Variants in C5 observed in about 807,000 individuals in gnomAD.
C5 encodes complement C5.
C5 carries 140 observed loss-of-function variants against 218.8 expected under a neutral mutation model. The observed-to-expected ratio is 0.64, with a 90% CI of 0.56 to 0.74. The LOEUF (loss-of-function observed/expected upper bound fraction) is 0.74. C5 is among the 30% of genes least tolerant of loss of function. The pLI is 0.00. For missense variants in C5, 1,700 were observed against 1,969.6 expected (o/e 0.86, Z 2.59); for synonymous variants, 614 against 682.3 (o/e 0.90, Z 1.56).
intron 7 of C5, among the ~76,000 whole-genome samples, chr9:121,029,496 T>G (rs866299832): frequency 6.6e-6 from 1 of 152,252 alleles, no homozygotes; most frequent in Non-Finnish European, 1.5e-5. Context: ...TGCTAATATA[T>G]GCTGAGTACT....
chr9:120,968,551 G>A (rs1246154332), intron 33 of C5, among the ~76,000 whole-genome samples: 6 of 152,134 alleles, frequency 3.9e-5, no homozygotes, highest in South Asian at 2.1e-4. Context: ...TTGAGGCCTC[G>A]GTATTTAGTT....
chr9:121,041,190 C>T (rs959186353), intron 3 of C5, among the ~76,000 whole-genome samples: 14 of 150,958 alleles, frequency 9.3e-5, no homozygotes, highest in African/African-American at 3.2e-4. Context: ...GTGATCCACC[C>T]GCCTGGGCTT....
intron 29 of C5, 104 bp from the exon 30 acceptor site, chr9:120,975,035 TGAAA>T: frequency 7.5e-7 from 1 of 1,324,658 alleles, no homozygotes; most frequent in African/African-American, 1.4e-5. Flanking sequence ...TGTCTGGAGA[TGAAA>T]CTCCAGCTGA....
Position 121,015,215 on chromosome 9 carries a change from C to A in C5, c.2043G>T (p.Lys681Asn), listed in dbSNP as rs2047296399. ...TTACAGTACCTATTTCTTCTATCTTCTTTTGCAGCGTTCTTCTTGGCCTGA... is the reference window on the plus strand; with the variant it reads ...TTACAGTACCTATTTCTTCTATCTTATTTTGCAGCGTTCTTCTTGGCCTGA... ...EILRPRRTLQ[K>N]KIEEIAAKYK... The change falls in exon 16 of 41, where the codon AAG becomes AAT. Residue 681 changes from lysine to asparagine, a missense_variant. By Grantham distance (94) the Lys-to-Asn change is moderately conservative. Transcript: ENST00000223642. 1 of 1,606,834 alleles carries A rather than the reference C, an allele frequency of 6.2e-7. No individual in the cohort carries two copies. Among genetic ancestry groups the A allele is most frequent in the Admixed American group, 1.7e-5 (1 of 59,940 alleles).
At chr9:121,010,717 T>C (rs577276070) in intron 17 of C5, among the ~76,000 whole-genome samples, 1 of 152,234 alleles carries the variant, frequency 6.6e-6, no homozygotes, top group South Asian at 2.1e-4. Flanking sequence ...AGGAATCACA[T>C]TACCTGACTT....
chr9:121,040,191 T>G (rs571712050), intron 3 of C5, among the ~76,000 whole-genome samples: 20 of 152,106 alleles, frequency 1.3e-4, no homozygotes, highest in Admixed American at 5.2e-4. Flanking sequence ...GAGGGTGAAG[T>G]AGGAGTTAAC....
At chr9:120,997,509 T>C (rs760766425) in intron 21 of C5, 38 bp downstream of exon 21, 2 of 1,435,774 alleles carry the variant, frequency 1.4e-6, no homozygotes, top group Non-Finnish European at 2.0e-6. Flanking sequence ...TCTTTTGCAA[T>C]AATTTAAGCA....
chr9:121,072,320 G>C, the C5 span, among the ~76,000 whole-genome samples: 2 of 152,072 alleles, frequency 1.3e-5, no homozygotes, highest in Non-Finnish European at 2.9e-5. Context: ...AGCACACCAC[G>C]GCTTGATAAT....
At chr9:120,998,522 A>G (rs1256168346) in intron 20 of C5, among the ~76,000 whole-genome samples, 1 of 152,224 alleles carries the variant, frequency 6.6e-6, no homozygotes, top group East Asian at 1.9e-4. Context: ...TCAAAGACTG[A>G]AAATTCCCTA....
intron 20 of C5, among the ~76,000 whole-genome samples, chr9:121,002,211 TATAC>T (rs377446992): frequency 0.39 from 43,997 of 114,086 alleles, 9,544 homozygotes; most frequent in South Asian, 0.61. Flanking sequence ...TATATGTATA[TATAC>T]GTATATATAT....
intron 17 of C5, among the ~76,000 whole-genome samples, chr9:121,013,397 A>C (rs1260192264): frequency 2.6e-5 from 4 of 152,146 alleles, no homozygotes; most frequent in African/African-American, 9.7e-5. Flanking sequence ...TAAATTCTGG[A>C]AACATGTATT....
At chr9:121,002,259 TATGTATATATATGTATATATAC>T in intron 20 of C5, among the ~76,000 whole-genome samples, 2 of 105,616 alleles carry the variant, frequency 1.9e-5, no homozygotes, top group Non-Finnish European at 3.7e-5. Context: ...TATATGTATA[TATGTATATATATGTATATATAC>T]GTATATATGT....
the C5 span, among the ~76,000 whole-genome samples, chr9:121,069,528 CT>C: frequency 3.6e-3 from 514 of 142,894 alleles, no homozygotes; most frequent in Middle Eastern, 3.6e-3. Flanking sequence ...AAAAGAAACT[CT>C]TTTTTTTTTT....
At chr9:121,071,931 A>G in the C5 span, among the ~76,000 whole-genome samples, 16 of 152,354 alleles carry the variant, frequency 1.1e-4, no homozygotes, top group Non-Finnish European at 1.9e-4. Context: ...TGCAACTCAG[A>G]GTACATTCTT....
intron 37 of C5, among the ~76,000 whole-genome samples, chr9:120,960,731 A>G (rs2046821094): frequency 6.6e-6 from 1 of 152,198 alleles, no homozygotes; most frequent in South Asian, 2.1e-4. Context: ...GCCCAAGACA[A>G]TTCTTCTTCC....
At chr9:121,047,407 T>A (rs1330196377) in intron 1 of C5, among the ~76,000 whole-genome samples, 1 of 152,226 alleles carries the variant, frequency 6.6e-6, no homozygotes, top group Admixed American at 6.5e-5. Flanking sequence ...TTAAAAATTA[T>A]TTTATTTAAA....
In C5 at chr9:121,021,571, C is replaced by G; in HGVS notation, c.1240G>C (p.Asp414His). ...LDPSKSVTRV[D>H]DGVASFVLNL... ...AGCACAAAGGAAGCTACTCCATCATCAACACGTGTTACACTTTTGCTTGGA... is the reference window on the plus strand; with the variant it reads ...AGCACAAAGGAAGCTACTCCATCATGAACACGTGTTACACTTTTGCTTGGA... The change falls in exon 11 of 41, where the codon GAT becomes CAT. Residue 414 changes from aspartate to histidine, a missense_variant. Physicochemically the swap from Asp to His is moderately conservative, Grantham distance 81. Coordinates refer to ENST00000223642, the MANE Select transcript of C5 (RefSeq NM_001735.3). The G allele has an allele frequency of 6.2e-7, 1 of 1,613,992 alleles. No homozygotes were observed. The highest frequency in any genetic ancestry group is 1.7e-5 in the Admixed American group (1 of 60,012).
At position 121,035,928 on chromosome 9, in the gene C5, T is replaced by C. The variant is rs142402624; in HGVS notation, c.493-1034A>G. The stretch of plus-strand genomic sequence containing the variant: ...AGCAGGGTGTGGTGATGGGTGCCTG[T>C]AGTCCTAGCTACTCAGGAAGCTGAG... On this transcript the variant is annotated intron_variant, in intron 4 of 40. Coordinates refer to ENST00000223642, the MANE Select transcript of C5 (RefSeq NM_001735.3). Among the ~76,000 whole-genome samples the C allele has an allele frequency of 1.9e-4, 29 of 152,024 alleles. No individual in the cohort carries two copies. In the East Asian group the frequency reaches 5.6e-3, roughly 30 times the overall value.
At position 121,013,318 on chromosome 9, in the gene C5, G is replaced by GGAAAAAAA. The variant is rs775252391; in HGVS notation, c.2257+554_2257+555insTTTTTTTC. ...TGGGTGACAGAGCCAGATTCCTACTGAAAAAAAAAAAAAAAAAGACTATAT... is the reference window on the plus strand; with the variant it reads ...TGGGTGACAGAGCCAGATTCCTACTGGAAAAAAAAAAAAAAAAAAAAAAAAGACTATAT... On this transcript the variant is annotated intron_variant, in intron 17 of 40. Transcript: ENST00000223642. Among the ~76,000 whole-genome samples the GGAAAAAAA allele has an allele frequency of 9.1e-5, 9 of 99,252 alleles. 1 individual carries two copies. The highest frequency in any genetic ancestry group is 3.8e-4 in the South Asian group (1 of 2,636). The allele number at this position is 99,252 out of a possible 152,430, so 65.1% of individuals were successfully genotyped here. A position where few individuals can be genotyped will look rare whatever the true frequency, so the allele number is the denominator to read the frequency against.
Sources: gnomAD v4.1 joint callset for allele counts (sites outside exome capture counted in the v4.1 genomes callset) on GRCh38, gnomAD v4.1.1 for gene constraint, MANE v1.5 for transcripts, NCBI Gene and HGNC (gene_info 2026-07-23, HGNC 2026-07-21) for gene names.